Variants in RBMS3 observed in about 807,000 individuals in gnomAD.
RBMS3 encodes the protein RNA binding motif single stranded interacting protein 3.
A neutral mutation model predicts 66.8 loss-of-function variants in RBMS3; 27 were observed. That is an observed-to-expected ratio of 0.40 (90% CI 0.30 to 0.56). RBMS3 has a LOEUF of 0.56. Ranked by LOEUF, RBMS3 falls within the 20% of genes least tolerant of loss-of-function variation. The pLI is 0.40. For synonymous variants in RBMS3, 188 were observed against 183.0 expected (o/e 1.03, Z -0.22); for missense variants, 513 against 549.5 (o/e 0.93, Z 0.66).
chr3:29,553,626 A>G (rs1044970686), intron 3 of RBMS3, among the ~76,000 whole-genome samples: 1 of 152,150 alleles, frequency 6.6e-6, no homozygotes, highest in African/African-American at 2.4e-5. Flanking sequence ...GAGCTGGAAG[A>G]GTGAGTGTCC....
At chr3:29,298,500 C>T (rs1188576959) in intron 1 of RBMS3, among the ~76,000 whole-genome samples, 1 of 151,782 alleles carries the variant, frequency 6.6e-6, no homozygotes, top group Non-Finnish European at 1.5e-5. Context: ...TGCTTTCTTC[C>T]TTTTTAATAA....
intron 5 of RBMS3, among the ~76,000 whole-genome samples, chr3:29,749,681 G>T (rs1216425472): frequency 6.6e-6 from 1 of 152,108 alleles, no homozygotes; most frequent in Non-Finnish European, 1.5e-5. Context: ...TTATCATAAG[G>T]TCAGGAACCT....
At chr3:29,529,182 G>T (rs2045254559) in intron 3 of RBMS3, among the ~76,000 whole-genome samples, 2 of 152,194 alleles carry the variant, frequency 1.3e-5, no homozygotes, top group Admixed American at 1.3e-4. Flanking sequence ...GTGAGCTTAT[G>T]GGAGTGTATT....
rs771474312 is a variant in RBMS3 at position 29,694,861 on chromosome 3, TAA to T, written c.400-44850_400-44849del. Among the ~76,000 whole-genome samples, 280 of 147,226 alleles carry T rather than the reference TAA, an allele frequency of 1.9e-3. 3 individuals carry two copies. The highest frequency in any genetic ancestry group is 5.9e-3 in the African/African-American group (239 of 40,544). ...AAAAAGCTGCATGCAAATTTTTTTT[TAA>T]AAAAAAAATACAAGGCAGATTGTTT... On this transcript the variant is annotated intron_variant, in intron 4 of 14. Coordinates refer to ENST00000383767, the MANE Select transcript of RBMS3 (RefSeq NM_001003793.3).
At chr3:29,708,536 A>G (rs935827019) in intron 4 of RBMS3, among the ~76,000 whole-genome samples, 2 of 152,240 alleles carry the variant, frequency 1.3e-5, no homozygotes, top group African/African-American at 4.8e-5. Flanking sequence ...CTGAAGTATT[A>G]AAAGCTGTGC....
intron 14 of RBMS3, among the ~76,000 whole-genome samples, chr3:29,999,856 T>C (rs543096234): frequency 5.9e-5 from 9 of 152,102 alleles, no homozygotes; most frequent in African/African-American, 2.2e-4. Flanking sequence ...CATGTGTACA[T>C]ATGTAACAAA....
At chr3:29,555,540 TG>T (rs2046328505) in intron 3 of RBMS3, among the ~76,000 whole-genome samples, 1 of 152,200 alleles carries the variant, frequency 6.6e-6, no homozygotes, top group Non-Finnish European at 1.5e-5. Flanking sequence ...CATGCTGTGT[TG>T]CTGAGTTTAT....
chr3:29,282,680 G>A (rs953470505), intron 1 of RBMS3, among the ~76,000 whole-genome samples: 2 of 152,014 alleles, frequency 1.3e-5, no homozygotes, highest in African/African-American at 2.4e-5. Flanking sequence ...TCGAGTGTAC[G>A]GGTGATATTA....
rs77944627 is a variant in RBMS3 at position 29,605,535 on chromosome 3, T to G, written c.399+18330T>G. 3.2e-3 allele frequency among the ~76,000 whole-genome samples: 484 copies of G among 151,936 alleles called. 1 individual carries two copies. Among genetic ancestry groups the G allele is most frequent in the African/African-American group, 0.011 (472 of 41,496 alleles). ...TTCTGTACTTCATGGTAGATCCTGG[T>G]AGAAAAAGAAATGAGGTTGAGAGTG... On this transcript the variant is annotated intron_variant, in intron 4 of 14. Transcript: ENST00000383767.
At chr3:29,440,273 T>C (rs2041567785) in intron 2 of RBMS3, among the ~76,000 whole-genome samples, 1 of 152,174 alleles carries the variant, frequency 6.6e-6, no homozygotes, top group Non-Finnish European at 1.5e-5. Flanking sequence ...GCTTATAAAT[T>C]TGATTTAATA....
chr3:29,344,687 A>G (rs1444417273), intron 1 of RBMS3, among the ~76,000 whole-genome samples: 1 of 152,176 alleles, frequency 6.6e-6, no homozygotes, highest in Non-Finnish European at 1.5e-5. Flanking sequence ...TTTGCCACCC[A>G]GACCACAAGG....
intron 5 of RBMS3, among the ~76,000 whole-genome samples, chr3:29,758,975 G>A (rs1431528775): frequency 6.6e-6 from 1 of 152,102 alleles, no homozygotes; most frequent in Admixed American, 6.6e-5. Flanking sequence ...ATGACAGGAT[G>A]GGTTTGTTTT....
intron 6 of RBMS3, among the ~76,000 whole-genome samples, chr3:29,836,436 T>G (rs938126896): frequency 5.9e-5 from 9 of 152,004 alleles, no homozygotes; most frequent in Non-Finnish European, 8.8e-5. Flanking sequence ...TATGTATCAC[T>G]GGGGTGCAAG....
At chr3:29,875,194 C>A (rs937036747) in intron 7 of RBMS3, among the ~76,000 whole-genome samples, 2 of 152,224 alleles carry the variant, frequency 1.3e-5, no homozygotes, top group Admixed American at 1.3e-4. Flanking sequence ...GCCATCCCAG[C>A]CTGCCACAAG....
At chr3:29,972,574 A>AG (rs1002565022) in intron 12 of RBMS3, among the ~76,000 whole-genome samples, 3 of 151,896 alleles carry the variant, frequency 2.0e-5, no homozygotes, top group African/African-American at 7.3e-5. Context: ...GACTAAAAAA[A>AG]CAGATTAAAA....
At chr3:29,601,266 G>T (rs994793697) in intron 4 of RBMS3, among the ~76,000 whole-genome samples, 1 of 151,902 alleles carries the variant, frequency 6.6e-6, no homozygotes, top group African/African-American at 2.4e-5. Context: ...TGTGATGTTT[G>T]CTAATAACCA....
At chr3:29,600,159 G>A (rs1049656155) in intron 4 of RBMS3, among the ~76,000 whole-genome samples, 1 of 152,028 alleles carries the variant, frequency 6.6e-6, no homozygotes, top group African/African-American at 2.4e-5. Context: ...TGTTTGAGCT[G>A]TTAATTTCCT....
intron 3 of RBMS3, among the ~76,000 whole-genome samples, chr3:29,561,941 ACTT>A (rs749466256): frequency 2.0e-4 from 30 of 152,046 alleles, no homozygotes; most frequent in Non-Finnish European, 3.2e-4. Flanking sequence ...TTTTTCATAA[ACTT>A]AAGTTTGTTT....
At chr3:29,705,028 G>T (rs193295279) in intron 4 of RBMS3, among the ~76,000 whole-genome samples, 13 of 152,290 alleles carry the variant, frequency 8.5e-5, no homozygotes, top group African/African-American at 3.1e-4. Context: ...ATGCTTTCTG[G>T]AGTCAGTTCC....
Sources: allele counts gnomAD v4.1 joint callset (sites outside exome capture counted in the v4.1 genomes callset), GRCh38; gene constraint gnomAD v4.1.1; transcripts MANE v1.5; gene names NCBI Gene and HGNC (gene_info 2026-07-23, HGNC 2026-07-21).